Variants in TCERG1 observed in about 807,000 individuals in gnomAD.
TCERG1 encodes the protein TATA box binding protein (TBP)-associated factor, RNA polymerase II, S, 150kD.
In TCERG1, 37 loss-of-function variants were observed where a neutral mutation model predicts 144.7. The ratio of observed to expected loss-of-function variants is 0.26; its 90% CI spans 0.20 to 0.34. The LOEUF is 0.34. TCERG1 is among the 10% of genes least tolerant of loss of function. TCERG1 has a pLI of 1.00. For synonymous variants in TCERG1, 492 were observed against 458.2 expected, an observed-to-expected ratio of 1.07 and a Z score of -0.94; for missense variants, 1,027 against 1,380.7, an observed-to-expected ratio of 0.74 and a Z score of 4.06.
intron 16 of TCERG1, among the ~76,000 whole-genome samples, chr5:146,494,652 T>G (rs1766722075): frequency 6.6e-6 from 1 of 152,058 alleles, no homozygotes; most frequent in African/African-American, 2.4e-5. Context: ...AACTTTAAAA[T>G]GAGAAAATGT....
At chr5:146,485,703 A>G (rs1445308260) in intron 15 of TCERG1, among the ~76,000 whole-genome samples, 3 of 152,066 alleles carry the variant, frequency 2.0e-5, no homozygotes, top group African/African-American at 7.2e-5. Flanking sequence ...TTATGCATCT[A>G]TTTATTTAGA....
rs767666701 is a variant in TCERG1 at position 146,459,292 on chromosome 5, A to G, written c.847A>G (p.Thr283Ala). The change falls in exon 4 of 23, where the codon ACT becomes GCT. Residue 283 changes from threonine to alanine, a missense_variant. Physicochemically the swap from Thr to Ala is moderately conservative, Grantham distance 58. Transcript: ENST00000679501. ...STSSSTPSST[T>A]STTTTATSVA... is the part of the protein sequence containing the mutation. ...ATCATCATCCACCCCTTCCTCTACCACTTCTACCACAACAACTGCTACTTC... is the reference window on the plus strand; with the variant it reads ...ATCATCATCCACCCCTTCCTCTACCGCTTCTACCACAACAACTGCTACTTC... 11 of 1,613,990 alleles carry G rather than the reference A, an allele frequency of 6.8e-6. No homozygotes were observed. In the Admixed American group the frequency reaches 8.3e-5, roughly 12 times the overall value.
At chr5:146,447,887 T>A (rs551442952) in intron 1 of TCERG1, among the ~76,000 whole-genome samples, 2 of 152,372 alleles carry the variant, frequency 1.3e-5, no homozygotes, top group South Asian at 4.1e-4. Flanking sequence ...GCTCCCCACG[T>A]TTGCCCTTTC....
intron 5 of TCERG1, among the ~76,000 whole-genome samples, chr5:146,466,495 C>T (rs959410061): frequency 6.6e-6 from 1 of 152,084 alleles, no homozygotes; most frequent in African/African-American, 2.4e-5. Flanking sequence ...AGAAACTTAA[C>T]TGTCTGTGAC....
intron 14 of TCERG1, among the ~76,000 whole-genome samples, chr5:146,483,284 G>A (rs1765524333): frequency 1.3e-5 from 2 of 152,106 alleles, no homozygotes; most frequent in South Asian, 2.1e-4. Context: ...TTTTTAAAAT[G>A]TCACACAGTA....
At chr5:146,475,868 C>T (rs182665977) in intron 9 of TCERG1, among the ~76,000 whole-genome samples, 1 of 152,258 alleles carries the variant, frequency 6.6e-6, no homozygotes. Flanking sequence ...TAGCAGTTTT[C>T]AGAATAGTGA....
intron 21 of TCERG1, among the ~76,000 whole-genome samples, chr5:146,508,418 T>G (rs967255768): frequency 2.0e-5 from 3 of 152,182 alleles, no homozygotes; most frequent in Non-Finnish European, 4.4e-5. Flanking sequence ...GGCCTTTTAT[T>G]TGTTTTCTTT....
intron 3 of TCERG1, 119 bp from the exon 4 acceptor site, chr5:146,458,762 AGCC>A (rs1240916195): frequency 7.4e-7 from 1 of 1,346,494 alleles, no homozygotes; most frequent in Non-Finnish European, 1.0e-6. Flanking sequence ...TACAGGAATG[AGCC>A]ACCACGCCTG....
chr5:146,453,227 G>A (rs369977209), intron 1 of TCERG1, among the ~76,000 whole-genome samples: 1 of 152,106 alleles, frequency 6.6e-6, no homozygotes, highest in Non-Finnish European at 1.5e-5. Context: ...TACAGGGAAA[G>A]GCTTTCCCTT....
intron 12 of TCERG1, among the ~76,000 whole-genome samples, chr5:146,480,751 A>G (rs1340177894): frequency 6.6e-6 from 1 of 152,138 alleles, no homozygotes; most frequent in Non-Finnish European, 1.5e-5. Flanking sequence ...AAAAGGACAG[A>G]TTGAATGCAG....
chr5:146,510,817 TTGTG>T lies in TCERG1; in HGVS notation c.*178_*181del. ...ACTTTGGAAATATTTATGCTTTTCT[TTGTG>T]TGGCATGACTGACATACATACTCAA... is the stretch of plus-strand genomic sequence containing the variant. On this transcript the variant is annotated 3_prime_UTR_variant, in exon 23 of 23. Coordinates refer to ENST00000679501, the MANE Select transcript of TCERG1 (RefSeq NM_001382548.1). 1 of 540,558 alleles carries T rather than the reference TTGTG, an allele frequency of 1.8e-6. No homozygotes were observed. The allele number at this position is 540,558 out of a possible 1,614,324, so 33.5% of individuals were successfully genotyped here. A position where few individuals can be genotyped will look rare whatever the true frequency, so the allele number is the denominator to read the frequency against.
At chr5:146,449,701 C>T (rs1225607907) in intron 1 of TCERG1, among the ~76,000 whole-genome samples, 1 of 152,156 alleles carries the variant, frequency 6.6e-6, no homozygotes, top group Non-Finnish European at 1.5e-5. Context: ...TCCTTCTATT[C>T]ATGCAAGTAG....
At chr5:146,456,339 C>T (rs1303533756) in intron 2 of TCERG1, among the ~76,000 whole-genome samples, 5 of 152,160 alleles carry the variant, frequency 3.3e-5, no homozygotes, top group African/African-American at 9.7e-5. Context: ...AAGAGTTAAA[C>T]CTACTTTGGA....
rs376826917 is a variant in TCERG1 at position 146,455,100 on chromosome 5, C to A, written c.104C>A (p.Pro35Gln). 1.9e-6 allele frequency: 3 copies of A among 1,614,266 alleles called. No individual in the cohort carries two copies. The highest frequency in any genetic ancestry group is 1.7e-5 in the Admixed American group (1 of 60,032). The change falls in exon 2 of 23, where the codon CCA (proline) becomes CAA (glutamine). Residue 35 changes from proline to glutamine, a missense_variant. Pro to Gln is a moderately conservative substitution (Grantham distance 76). Coordinates refer to ENST00000679501, the MANE Select transcript of TCERG1 (RefSeq NM_001382548.1). Reference sequence around the variant, plus strand: ...TTGAGGTTCCGAGGTCCGGCTCCCCCACCAAATGCAGTGATGCGAGGCCCA... The same window carrying A: ...TTGAGGTTCCGAGGTCCGGCTCCCCAACCAAATGCAGTGATGCGAGGCCCA... ...QALRFRGPAP[P>Q]PNAVMRGPPP...
chr5:146,455,318 T>C, intron 2 of TCERG1, 37 bp downstream of exon 2: 1 of 1,606,120 alleles, frequency 6.2e-7, no homozygotes, highest in Middle Eastern at 1.7e-4. Flanking sequence ...TTTGTTGGCA[T>C]CATTATCAAT....
Position 146,510,609 on chromosome 5 carries a change from A to G in TCERG1, c.3315A>G (p.Thr1105=), listed in dbSNP as rs1032556567. 1 of 1,614,186 alleles carries G rather than the reference A, an allele frequency of 6.2e-7. No homozygotes were observed. The highest frequency in any genetic ancestry group is 1.1e-5 in the South Asian group (1 of 91,076). ...GCCGGGGTCCACCCCCACCTCCCACAGCATCGGAGCCCACGAGACGATCAA... is the reference window on the plus strand; with the variant it reads ...GCCGGGGTCCACCCCCACCTCCCACGGCATCGGAGCCCACGAGACGATCAA... The part of the protein sequence containing the change: ...LDRRGPPPPP[T]ASEPTRRSTK The change falls in exon 23 of 23, where the codon ACA becomes ACG. Residue 1105 remains threonine, a synonymous_variant. Transcript: ENST00000679501.
chr5:146,459,347 A>T lies in TCERG1; in HGVS notation c.892+10A>T, dbSNP rs184183473. The T allele has an allele frequency of 1.4e-5, 22 of 1,610,480 alleles. No homozygotes were observed. In the Admixed American group the frequency reaches 3.3e-4, roughly 24 times the overall value. On this transcript the variant is annotated intron_variant, in intron 4 of 22. Coordinates refer to ENST00000679501, the MANE Select transcript of TCERG1 (RefSeq NM_001382548.1). Reference sequence around the variant, plus strand: ...GCGCAGACAGTATCAAGTGAGTACCACTCAGCATGTGTTTTTATATAGGGG... The same window carrying T: ...GCGCAGACAGTATCAAGTGAGTACCTCTCAGCATGTGTTTTTATATAGGGG...
chr5:146,503,284 C>T (rs1450909095), intron 17 of TCERG1, 91 bp from the exon 18 acceptor site: 10 of 1,291,320 alleles, frequency 7.7e-6, no homozygotes, highest in Non-Finnish European at 1.1e-5. Flanking sequence ...GGTAGGTGAA[C>T]TTTTTTTCTA....
chr5:146,480,091 G>A lies in TCERG1; in HGVS notation c.1883G>A (p.Arg628Gln), dbSNP rs749547199. Residue 628 changes from arginine to glutamine, a missense_variant, in exon 12 of 23, where the codon CGG becomes CAG. Transcript: ENST00000679501. ...NEDEPVKAKK[R>Q]KRMSKKSFMW... ...GATGAGCCTGTTAAAGCAAAAAAAC[G>A]GAAGTAAGTAATACATACGATTTGA... The A allele has an allele frequency of 5.7e-6, 9 of 1,592,624 alleles. No individual in the cohort carries two copies. The highest frequency in any genetic ancestry group is 3.4e-6 in the Non-Finnish European group (4 of 1,169,902).
Sources: allele counts gnomAD v4.1 joint callset (sites outside exome capture counted in the v4.1 genomes callset), GRCh38; gene constraint gnomAD v4.1.1; transcripts MANE v1.5; gene names NCBI Gene and HGNC (gene_info 2026-07-23, HGNC 2026-07-21).